Variants in KSR2 observed in about 807,000 individuals in gnomAD.
KSR2 encodes the protein kinase suppressor of ras 2.
KSR2 carries 25 observed loss-of-function variants against 107.8 expected under a neutral mutation model. The observed-to-expected ratio is 0.23, with a 90% CI of 0.17 to 0.32. KSR2 has a LOEUF of 0.32. Ranked by LOEUF, KSR2 falls within the 10% of genes least tolerant of loss-of-function variation. The pLI, the probability that KSR2 is intolerant of heterozygous loss-of-function variation, is 1.00. For synonymous variants in KSR2, 480 were observed against 507.0 expected (o/e 0.95, Z 0.71); for missense variants, 887 against 1,268.9 (o/e 0.70, Z 4.57).
At chr12:117,904,879 C>T (rs1894792051) in intron 1 of KSR2, among the ~76,000 whole-genome samples, 1 of 152,166 alleles carries the variant, frequency 6.6e-6, no homozygotes, top group Admixed American at 6.6e-5. Context: ...GCAATTGTTA[C>T]TTATTTAAAA....
At chr12:117,669,495 T>C (rs866882497) in intron 4 of KSR2, among the ~76,000 whole-genome samples, 1 of 151,520 alleles carries the variant, frequency 6.6e-6, no homozygotes, top group Non-Finnish European at 1.5e-5. Context: ...GAATGAAAAA[T>C]AATAATAATG....
intron 12 of KSR2, among the ~76,000 whole-genome samples, chr12:117,527,752 A>T (rs2137245067): frequency 6.6e-6 from 1 of 152,344 alleles, no homozygotes; most frequent in Middle Eastern, 3.4e-3. Flanking sequence ...GTATGTAGAT[A>T]CTATGCAGGG....
At chr12:117,885,818 G>T (rs971799880) in intron 1 of KSR2, among the ~76,000 whole-genome samples, 1 of 151,886 alleles carries the variant, frequency 6.6e-6, no homozygotes, top group Non-Finnish European at 1.5e-5. Flanking sequence ...AAACCTGGCC[G>T]GGCGCGGTGG....
chr12:117,769,752 A>G (rs1469183645), intron 3 of KSR2, among the ~76,000 whole-genome samples: 1 of 152,174 alleles, frequency 6.6e-6, no homozygotes, highest in Non-Finnish European at 1.5e-5. Flanking sequence ...CAGAGCTCAC[A>G]CTCAAGAATC....
intron 5 of KSR2, among the ~76,000 whole-genome samples, chr12:117,615,492 C>A (rs780743271): frequency 2.6e-5 from 4 of 152,170 alleles, no homozygotes; most frequent in Admixed American, 6.5e-5. Flanking sequence ...ACTATGTCCA[C>A]CTAGTGACAA....
chr12:117,807,419 T>C (rs1250579286), intron 3 of KSR2, among the ~76,000 whole-genome samples: 2 of 152,198 alleles, frequency 1.3e-5, no homozygotes, highest in East Asian at 1.9e-4. Flanking sequence ...CACCGAATAA[T>C]ACTATTCCAC....
intron 5 of KSR2, among the ~76,000 whole-genome samples, chr12:117,616,784 C>A (rs1396671728): frequency 6.6e-6 from 1 of 152,194 alleles, no homozygotes; most frequent in South Asian, 2.1e-4. Flanking sequence ...CTGATATGCT[C>A]ATTTCTTTCT....
At chr12:117,690,338 T>G (rs144226119) in intron 4 of KSR2, among the ~76,000 whole-genome samples, 3,149 of 152,196 alleles carry the variant, frequency 0.021, 61 homozygotes, top group Non-Finnish European at 0.029. Flanking sequence ...CTGAGATGGG[T>G]GGATCACCTG....
chr12:117,715,331 T>A (rs757047130), intron 4 of KSR2, among the ~76,000 whole-genome samples: 3 of 152,110 alleles, frequency 2.0e-5, no homozygotes, highest in Non-Finnish European at 4.4e-5. Flanking sequence ...GCAGCCCCCA[T>A]GAAAATAAAA....
rs116258213 is a variant in KSR2, at chr12:117,728,067, C to A, written c.986+32944G>T. ...TGCCTTCAGGGTGGGGCAAGATGAT[C>A]GGAGAAGGACATGAGAGAACTTTCT... On this transcript the variant is annotated intron_variant, in intron 4 of 19. Transcript: ENST00000339824. 1.2e-3 allele frequency among the ~76,000 whole-genome samples: 183 copies of A among 152,216 alleles called. 2 individuals carry two copies. Among genetic ancestry groups the A allele is most frequent in the African/African-American group, 4.2e-3 (175 of 41,546 alleles).
chr12:117,775,516 GCT>G (rs1284704955), intron 3 of KSR2, among the ~76,000 whole-genome samples: 9 of 152,220 alleles, frequency 5.9e-5, no homozygotes, highest in Admixed American at 6.5e-5. Flanking sequence ...GGAAATTACA[GCT>G]CTGGAAAAGT....
chr12:117,664,576 A>T (rs908038905), intron 5 of KSR2, among the ~76,000 whole-genome samples: 1 of 152,148 alleles, frequency 6.6e-6, no homozygotes, highest in South Asian at 2.1e-4. Flanking sequence ...AGCCCCACCC[A>T]GAGTCCCCAA....
intron 1 of KSR2, among the ~76,000 whole-genome samples, chr12:117,937,829 G>A (rs1186713114): frequency 6.6e-6 from 1 of 151,296 alleles, no homozygotes; most frequent in East Asian, 1.9e-4. Context: ...AATTAGCCAG[G>A]CGTGGCAGTG....
chr12:117,510,711 C>T (rs937923305), intron 14 of KSR2, among the ~76,000 whole-genome samples: 1 of 152,040 alleles, frequency 6.6e-6, no homozygotes, highest in African/African-American at 2.4e-5. Flanking sequence ...AATCCTGTCT[C>T]TACCAAAAAT....
intron 1 of KSR2, among the ~76,000 whole-genome samples, chr12:117,967,531 T>C (rs534946526): frequency 6.6e-6 from 1 of 152,190 alleles, no homozygotes; most frequent in Admixed American, 6.5e-5. Context: ...ATCACTGATT[T>C]AAAACAAAAA....
chr12:117,660,315 A>C (rs1251525278), intron 5 of KSR2, among the ~76,000 whole-genome samples: 1 of 152,178 alleles, frequency 6.6e-6, no homozygotes, highest in Admixed American at 6.5e-5. Context: ...TCCAAGATTA[A>C]GGAGGTTCTT....
At chr12:117,544,132 C>G (rs1460087074) in intron 9 of KSR2, among the ~76,000 whole-genome samples, 1 of 152,204 alleles carries the variant, frequency 6.6e-6, no homozygotes, top group African/African-American at 2.4e-5. Flanking sequence ...GGAATACAGG[C>G]TGAACCACAG....
At chr12:117,614,093 C>T (rs1881747923) in intron 5 of KSR2, among the ~76,000 whole-genome samples, 1 of 151,928 alleles carries the variant, frequency 6.6e-6, no homozygotes, top group Non-Finnish European at 1.5e-5. Flanking sequence ...TTGTTAATGC[C>T]ATATACATAT....
intron 3 of KSR2, among the ~76,000 whole-genome samples, chr12:117,770,976 CAAAAAA>C (rs61641342): frequency 0.038 from 2,542 of 66,216 alleles, 102 homozygotes; most frequent in East Asian, 0.28. Flanking sequence ...GACTCCGTCT[CAAAAAA>C]AAAAAAAAAA....
Sources: gnomAD v4.1 joint callset for allele counts (sites outside exome capture counted in the v4.1 genomes callset) on GRCh38, gnomAD v4.1.1 for gene constraint, MANE v1.5 for transcripts, NCBI Gene and HGNC (gene_info 2026-07-23, HGNC 2026-07-21) for gene names.